UQCC1: variants seen among roughly 807,000 people sequenced by gnomAD.
UQCC1 encodes ubiquinol-cytochrome c reductase complex assembly factor 1.
In UQCC1, 38 loss-of-function variants were observed where a neutral mutation model predicts 48.0. That is an observed-to-expected ratio of 0.79 (90% CI 0.61 to 1.04). The LOEUF (loss-of-function observed/expected upper bound fraction) is 1.04, where lower values mean the gene tolerates loss of function less well. UQCC1 is among the 50% of genes least tolerant of loss of function. The probability of loss-of-function intolerance (pLI) is 0.00; values close to 1 mark genes in which losing one functional copy is unlikely to be tolerated. For synonymous variants in UQCC1, 111 were observed against 129.2 expected (o/e 0.86, Z 0.95); for missense variants, 368 against 381.8 (o/e 0.96, Z 0.30).
At chr20:35,354,213 ATTTAC>A (rs2146407045) in intron 6 of UQCC1, among the ~76,000 whole-genome samples, 1 of 152,288 alleles carries the variant, frequency 6.6e-6, no homozygotes, top group Non-Finnish European at 1.5e-5. Context: ...ACATGACTGA[ATTTAC>A]TTTAATAGAA....
intron 3 of UQCC1, among the ~76,000 whole-genome samples, chr20:35,382,512 C>CTTTTTTTTTTTTTTTTT (rs1162371421): frequency 1.2e-4 from 13 of 108,282 alleles, no homozygotes; most frequent in East Asian, 2.6e-4. Context: ...TTTCTTTTTT[C>CTTTTTTTTTTTTTTTTT]TTTTTTTTTT....
At chr20:35,318,041 C>G (rs2061082119) in intron 7 of UQCC1, among the ~76,000 whole-genome samples, 1 of 152,198 alleles carries the variant, frequency 6.6e-6, no homozygotes, top group Non-Finnish European at 1.5e-5. Flanking sequence ...TCTCCCTACT[C>G]CCACATGAGT....
chr20:35,306,634 G>C (rs367636061), intron 9 of UQCC1, 32 bp downstream of exon 9: 1 of 1,564,612 alleles, frequency 6.4e-7, no homozygotes, highest in Non-Finnish European at 8.8e-7. Flanking sequence ...ACTGTTGCCA[G>C]GACTTGGGAG....
At chr20:35,372,307 T>C (rs1413827668) in intron 5 of UQCC1, among the ~76,000 whole-genome samples, 1 of 145,600 alleles carries the variant, frequency 6.9e-6, no homozygotes, top group African/African-American at 2.5e-5. Context: ...AGATTCTGTC[T>C]CAAAAAAAAA....
chr20:35,403,456 T>A (rs1325046733), intron 1 of UQCC1, among the ~76,000 whole-genome samples: 1 of 152,094 alleles, frequency 6.6e-6, no homozygotes, highest in Non-Finnish European at 1.5e-5. Context: ...CAACAACCAC[T>A]AAAGGAACTA....
At chr20:35,375,744 A>C (rs1412167452) in intron 4 of UQCC1, among the ~76,000 whole-genome samples, 1 of 151,910 alleles carries the variant, frequency 6.6e-6, no homozygotes, top group African/African-American at 2.4e-5. Flanking sequence ...TGAGCCCAGG[A>C]GTTGGAGACC....
At chr20:35,332,346 C>A (rs1340246972) in intron 7 of UQCC1, among the ~76,000 whole-genome samples, 2 of 152,220 alleles carry the variant, frequency 1.3e-5, no homozygotes, top group Non-Finnish European at 2.9e-5. Context: ...AGGTCCTGAG[C>A]TCTTCTTGCT....
chr20:35,330,400 C>T (rs1429267481), intron 7 of UQCC1, among the ~76,000 whole-genome samples: 1 of 152,122 alleles, frequency 6.6e-6, no homozygotes, highest in Admixed American at 6.5e-5. Context: ...AGGAGCTTGG[C>T]GGCCACTGAA....
intron 4 of UQCC1, among the ~76,000 whole-genome samples, chr20:35,375,371 T>G (rs17331061): frequency 0.045 from 6,801 of 152,296 alleles, 249 homozygotes; most frequent in African/African-American, 0.097. Flanking sequence ...TGATTACGTC[T>G]CTGATTGTAA....
chr20:35,352,314 G>T (rs1345700014), intron 6 of UQCC1, among the ~76,000 whole-genome samples: 1 of 152,188 alleles, frequency 6.6e-6, no homozygotes, highest in Non-Finnish European at 1.5e-5. Flanking sequence ...GAAAACTGAA[G>T]CCAGAAAGGT....
intron 7 of UQCC1, among the ~76,000 whole-genome samples, chr20:35,321,470 G>C (rs1307672688): frequency 6.6e-6 from 1 of 152,146 alleles, no homozygotes; most frequent in Non-Finnish European, 1.5e-5. Flanking sequence ...CCTAAACCCA[G>C]CATGAGGAGG....
At chr20:35,411,367 G>C (rs1038004313) in intron 1 of UQCC1, among the ~76,000 whole-genome samples, 1 of 151,902 alleles carries the variant, frequency 6.6e-6, no homozygotes, top group Non-Finnish European at 1.5e-5. Flanking sequence ...CACCATGCTA[G>C]GCAAAGTGAA....
At chr20:35,384,516 C>T (rs913192444) in intron 2 of UQCC1, 1 of 376,506 alleles carries the variant, frequency 2.7e-6, no homozygotes, top group Non-Finnish European at 5.1e-6. Flanking sequence ...TGGTGCATGC[C>T]TATAGTCTTA....
intron 1 of UQCC1, among the ~76,000 whole-genome samples, chr20:35,406,375 C>T (rs974150840): frequency 2.6e-5 from 4 of 152,214 alleles, no homozygotes; most frequent in African/African-American, 7.2e-5. Context: ...TCATCATATA[C>T]AAAGTATCCT....
chr20:35,404,030 G>C (rs1326133067), intron 1 of UQCC1, among the ~76,000 whole-genome samples: 1 of 152,134 alleles, frequency 6.6e-6, no homozygotes, highest in Non-Finnish European at 1.5e-5. Context: ...AAGGTCAGGA[G>C]ATCGAGACCA....
At chr20:35,396,862 A>T (rs1041595499) in intron 1 of UQCC1, among the ~76,000 whole-genome samples, 3 of 152,280 alleles carry the variant, frequency 2.0e-5, no homozygotes, top group Admixed American at 6.5e-5. Context: ...TTTAGGAACC[A>T]ACTCTAGGGA....
At chr20:35,400,874 T>C (rs556785860) in intron 1 of UQCC1, among the ~76,000 whole-genome samples, 1 of 152,336 alleles carries the variant, frequency 6.6e-6, no homozygotes, top group South Asian at 2.1e-4. Context: ...TACATCAGTA[T>C]TTCAAAACAT....
intron 7 of UQCC1, chr20:35,344,149 C>CATTTGACAATTATTCAATGTT (rs1372338127): frequency 1.3e-5 from 2 of 152,184 alleles, no homozygotes; most frequent in Non-Finnish European, 2.9e-5. Flanking sequence ...ATTATTTATT[C>CATTTGACAATTATTCAATGTT]ATTTGACAAT....
At chr20:35,389,761 A>G (rs574158730) in intron 2 of UQCC1, among the ~76,000 whole-genome samples, 2 of 152,334 alleles carry the variant, frequency 1.3e-5, no homozygotes, top group East Asian at 3.9e-4. Flanking sequence ...AAACACCACA[A>G]TAATGATCAC....
Sources: gnomAD v4.1 joint callset for allele counts (sites outside exome capture counted in the v4.1 genomes callset) on GRCh38, gnomAD v4.1.1 for gene constraint, MANE v1.5 for transcripts, NCBI Gene and HGNC (gene_info 2026-07-23, HGNC 2026-07-21) for gene names.